Variants in SCAPER observed in about 807,000 individuals in gnomAD.
SCAPER encodes S phase cyclin A-associated protein in the endoplasmic reticulum.
SCAPER carries 98 observed loss-of-function variants against 182.2 expected under a neutral mutation model. The ratio of observed to expected loss-of-function variants is 0.54; its 90% CI spans 0.46 to 0.64. SCAPER has a LOEUF of 0.64. SCAPER is among the 30% of genes least tolerant of loss of function. SCAPER has a pLI of 0.00. For synonymous variants in SCAPER, 605 were observed against 564.6 expected (o/e 1.07, Z -1.01); for missense variants, 1,432 against 1,690.0 (o/e 0.85, Z 2.68).
At chr15:76,705,550 A>T (rs566257699) in intron 18 of SCAPER, among the ~76,000 whole-genome samples, 57 of 146,590 alleles carry the variant, frequency 3.9e-4, no homozygotes, top group African/African-American at 5.7e-4. Flanking sequence ...AAGTATAATT[A>T]AAAAAAAAAA....
At chr15:76,578,701 G>A (rs1455752512) in intron 22 of SCAPER, among the ~76,000 whole-genome samples, 1 of 152,200 alleles carries the variant, frequency 6.6e-6, no homozygotes, top group East Asian at 1.9e-4. Flanking sequence ...AATAGCTTAG[G>A]TTTCAACACC....
intron 5 of SCAPER, among the ~76,000 whole-genome samples, chr15:76,841,142 G>A (rs1335681958): frequency 6.6e-6 from 1 of 152,130 alleles, no homozygotes; most frequent in African/African-American, 2.4e-5. Context: ...TTGATTCCCT[G>A]CCCAGAACTA....
intron 5 of SCAPER, among the ~76,000 whole-genome samples, chr15:76,831,400 T>C (rs919623516): frequency 1.3e-4 from 19 of 150,300 alleles, no homozygotes; most frequent in Non-Finnish European, 4.4e-5. Flanking sequence ...CACCCTCCCA[T>C]AGGAGTGCTT....
chr15:76,389,678 C>T (rs978179277), intron 27 of SCAPER, among the ~76,000 whole-genome samples: 2 of 151,066 alleles, frequency 1.3e-5, no homozygotes, highest in African/African-American at 2.4e-5. Context: ...ATTAGCTGGG[C>T]GTGGTGGCGG....
At chr15:76,357,150 TCACACACACACACACACACACACACA>T (rs55912416) in intron 29 of SCAPER, among the ~76,000 whole-genome samples, 1 of 128,858 alleles carries the variant, frequency 7.8e-6, no homozygotes, top group African/African-American at 2.9e-5. Context: ...TTTATTGACA[TCACACACACACACACACACACACACA>T]CACACACACA....
At chr15:76,421,377 A>G (rs1461816742) in intron 26 of SCAPER, among the ~76,000 whole-genome samples, 4 of 152,168 alleles carry the variant, frequency 2.6e-5, no homozygotes, top group African/African-American at 9.7e-5. Flanking sequence ...GCCAGTGATG[A>G]TGAGCATTTT....
At position 76,771,724 on chromosome 15, in the gene SCAPER, C is replaced by A. The variant is rs2063481089; in HGVS notation, c.1248+18G>T. 1 of 1,595,940 alleles carries A rather than the reference C, an allele frequency of 6.3e-7. No individual in the cohort carries two copies. Among genetic ancestry groups the A allele is most frequent in the Non-Finnish European group, 8.6e-7 (1 of 1,165,188 alleles). On this transcript the variant is annotated intron_variant, in intron 10 of 31. Coordinates refer to ENST00000563290, the MANE Select transcript of SCAPER (RefSeq NM_020843.4). ...CAGAATTCTGATAAGTTGTTCTTAC[C>A]AAGTTAGCAGCACTCACATTTGAAA...
At chr15:76,676,670 T>C (rs1490004409) in intron 20 of SCAPER, among the ~76,000 whole-genome samples, 2 of 151,928 alleles carry the variant, frequency 1.3e-5, no homozygotes, top group Non-Finnish European at 2.9e-5. Context: ...TGATACTATA[T>C]AAATTTAATT....
chr15:76,640,101 C>G (rs1400349234), intron 21 of SCAPER, among the ~76,000 whole-genome samples: 1 of 152,140 alleles, frequency 6.6e-6, no homozygotes, highest in Non-Finnish European at 1.5e-5. Flanking sequence ...GGCTTGATTG[C>G]TGTTACTGTG....
chr15:76,654,346 T>C (rs2055433948), intron 21 of SCAPER, among the ~76,000 whole-genome samples: 1 of 151,370 alleles, frequency 6.6e-6, no homozygotes. Context: ...AGGCGGAGCT[T>C]GCAGTGAGCC....
chr15:76,400,932 TAAAA>T (rs891348834), intron 27 of SCAPER, among the ~76,000 whole-genome samples: 3 of 151,434 alleles, frequency 2.0e-5, no homozygotes, highest in African/African-American at 7.3e-5. Flanking sequence ...AAATTTTAAA[TAAAA>T]TGTATCAGAT....
At chr15:76,512,247 G>C (rs2144060633) in intron 23 of SCAPER, among the ~76,000 whole-genome samples, 1 of 152,040 alleles carries the variant, frequency 6.6e-6, no homozygotes, top group East Asian at 1.9e-4. Flanking sequence ...TATGATTGCA[G>C]GATGAAATCC....
At chr15:76,765,492 A>AG in intron 12 of SCAPER, 38 bp from the exon 13 acceptor site, 1 of 1,609,058 alleles carries the variant, frequency 6.2e-7, no homozygotes, top group South Asian at 1.1e-5. Flanking sequence ...TTAGCCACAT[A>AG]GGTCTATAAA....
intron 23 of SCAPER, among the ~76,000 whole-genome samples, chr15:76,542,996 C>T (rs2044909912): frequency 6.6e-6 from 1 of 152,008 alleles, no homozygotes; most frequent in Non-Finnish European, 1.5e-5. Context: ...TATATATATA[C>T]CCCAAACTCA....
rs543902331 is a variant in SCAPER, at chr15:76,850,503, CAT to C, written c.195+7304_195+7305del. ...AGTAATTCAAATGACCAGAGTGTCA[CAT>C]GTCTTAAAATGACCACATCAGTTCT... On this transcript the variant is annotated intron_variant, in intron 4 of 31. Coordinates refer to ENST00000563290, the MANE Select transcript of SCAPER (RefSeq NM_020843.4). 7.2e-5 allele frequency among the ~76,000 whole-genome samples: 11 copies of C among 152,300 alleles called. No individual in the cohort carries two copies. The South Asian group carries it at 2.3e-3, about 32-fold the overall frequency.
intron 3 of SCAPER, 116 bp downstream of exon 3, chr15:76,862,300 A>G: frequency 1.8e-6 from 1 of 556,228 alleles, no homozygotes; most frequent in Non-Finnish European, 3.1e-6. Flanking sequence ...TTTCTTATTT[A>G]ACATACTAAT....
At chr15:76,797,707 A>T (rs1380631428) in intron 7 of SCAPER, 1 of 152,238 alleles carries the variant, frequency 6.6e-6, no homozygotes, top group Non-Finnish European at 1.5e-5. Flanking sequence ...TCGTTAGGTG[A>T]TGTTGACAAA....
At chr15:76,606,644 G>A (rs1182551567) in intron 22 of SCAPER, among the ~76,000 whole-genome samples, 1 of 151,322 alleles carries the variant, frequency 6.6e-6, no homozygotes, top group Non-Finnish European at 1.5e-5. Context: ...TTATTGTGTG[G>A]GAGTCTAAGT....
At chr15:76,649,622 A>G (rs2146505026) in intron 21 of SCAPER, among the ~76,000 whole-genome samples, 1 of 150,926 alleles carries the variant, frequency 6.6e-6, no homozygotes, top group East Asian at 1.9e-4. Context: ...GCAGAAAAGA[A>G]AAAATAAGAA....
Sources: allele counts gnomAD v4.1 joint callset (sites outside exome capture counted in the v4.1 genomes callset), GRCh38; gene constraint gnomAD v4.1.1; transcripts MANE v1.5; gene names NCBI Gene and HGNC (gene_info 2026-07-23, HGNC 2026-07-21).